POC5: variants seen among roughly 807,000 people sequenced by gnomAD.
The protein encoded by POC5 is centrosomal protein POC5.
Under a neutral mutation model 62.9 loss-of-function variants are expected in POC5, and 48 were observed. The observed-to-expected ratio is 0.76, with a 90% CI of 0.61 to 0.97. The LOEUF is 0.97. Among genes scored for constraint, POC5 ranks in the 50% least tolerant of loss-of-function variants. The probability of loss-of-function intolerance (pLI) is 0.00; values close to 1 mark genes in which losing one functional copy is unlikely to be tolerated. For synonymous variants in POC5, 236 were observed against 228.2 expected, an observed-to-expected ratio of 1.03 and a Z score of -0.31; for missense variants, 696 against 679.5, an observed-to-expected ratio of 1.02 and a Z score of -0.27.
At chr5:75,701,719 A>G (rs1776893045) in intron 5 of POC5, among the ~76,000 whole-genome samples, 1 of 137,198 alleles carries the variant, frequency 7.3e-6, no homozygotes, top group Non-Finnish European at 1.6e-5. Flanking sequence ...TTAAAGTATA[A>G]TAATAATAAA....
At chr5:75,692,905 T>A (rs1048952988) in intron 6 of POC5, among the ~76,000 whole-genome samples, 4 of 151,752 alleles carry the variant, frequency 2.6e-5, no homozygotes, top group Admixed American at 2.6e-4. Context: ...TGGTCCCTAC[T>A]ACTATCTTGG....
In POC5 at chr5:75,685,423, A is replaced by G. The variant is rs754440396; in HGVS notation, c.1191T>C (p.His397=). 1.9e-6 allele frequency: 3 copies of G among 1,613,800 alleles called. No homozygotes were observed. Among genetic ancestry groups the G allele is most frequent in the Non-Finnish European group, 2.5e-6 (3 of 1,179,740 alleles). The part of the protein sequence containing the change: ...EYGPGVQGKE[H]SAHLDPSAPP... ...GAGCTGAAGGATCCAAATGAGCAGA[A>G]TGTTCTTTTCCTTGAACACCAGGAC... The change falls in exon 10 of 12, where the codon CAT becomes CAC. Residue 397 remains histidine (H), a synonymous_variant. Coordinates refer to ENST00000428202, the MANE Select transcript of POC5 (RefSeq NM_001099271.2).
chr5:75,707,680 C>A, intron 3 of POC5, 57 bp downstream of exon 3: 1 of 1,319,264 alleles, frequency 7.6e-7, no homozygotes, highest in Non-Finnish European at 1.1e-6. Flanking sequence ...CTGTCAGTAT[C>A]ATTAATAAAC....
At chr5:75,695,842 A>T (rs1364782674) in intron 5 of POC5, among the ~76,000 whole-genome samples, 1 of 152,136 alleles carries the variant, frequency 6.6e-6, no homozygotes, top group African/African-American at 2.4e-5. Flanking sequence ...TGGGCGCAGG[A>T]CAGTGGGTGC....
intron 10 of POC5, among the ~76,000 whole-genome samples, chr5:75,683,530 G>T (rs1160215724): frequency 6.6e-6 from 1 of 152,046 alleles, no homozygotes; most frequent in African/African-American, 2.4e-5. Context: ...GCCGCGCATG[G>T]CTTTTTTTAA....
At chr5:75,712,788 G>GT in intron 2 of POC5, 66 bp downstream of exon 2, 1 of 1,211,484 alleles carries the variant, frequency 8.3e-7, no homozygotes, top group Non-Finnish European at 1.2e-6. Flanking sequence ...AAAAATCCTA[G>GT]TTTTCCCTTA....
At position 75,674,517 on chromosome 5, in the gene POC5, GTAC is replaced by G; in HGVS notation, c.1643_1645del (p.Ser548del). ...GGTTCCAAGTGATCTGGAAGCTGAG[GTAC>G]TACTTTCAGGATGAATGGTCCGGGG... On this transcript the variant is annotated inframe_deletion, in exon 12 of 12. Transcript: ENST00000428202. 1 of 1,613,960 alleles carries G rather than the reference GTAC, an allele frequency of 6.2e-7. No individual in the cohort carries two copies. The highest frequency in any genetic ancestry group is 1.7e-5 in the Admixed American group (1 of 60,028).
chr5:75,698,175 C>G (rs1776696506), intron 5 of POC5, among the ~76,000 whole-genome samples: 1 of 137,814 alleles, frequency 7.3e-6, no homozygotes, highest in African/African-American at 2.6e-5. Context: ...AGAAAGTCAA[C>G]AAGGATACCC....
At chr5:75,686,631 T>A (rs984971770) in intron 9 of POC5, among the ~76,000 whole-genome samples, 6 of 152,204 alleles carry the variant, frequency 3.9e-5, no homozygotes, top group Non-Finnish European at 7.3e-5. Context: ...TGTCTATCTT[T>A]AGATGGTGGC....
At chr5:75,702,524 A>G in intron 5 of POC5, 81 bp downstream of exon 5, 1 of 1,371,946 alleles carries the variant, frequency 7.3e-7, no homozygotes, top group East Asian at 2.5e-5. Flanking sequence ...TTTAACTCAA[A>G]AAAACAAAAC....
rs185955431 is a variant in POC5, at chr5:75,695,129, A to T, written c.514-298T>A. ...TTCACTATGTTCCTTTGTTTATTCAAGGATTAAATGTCCATATGAAGATGG... is the reference window on the plus strand; with the variant it reads ...TTCACTATGTTCCTTTGTTTATTCATGGATTAAATGTCCATATGAAGATGG... On this transcript the variant is annotated intron_variant, in intron 5 of 11. Coordinates refer to ENST00000428202, the MANE Select transcript of POC5 (RefSeq NM_001099271.2). Among the ~76,000 whole-genome samples the T allele has an allele frequency of 5.6e-4, 86 of 152,346 alleles. 1 individual carries two copies. The highest frequency in any genetic ancestry group is 2.7e-3 in the East Asian group (14 of 5,188).
At chr5:75,694,061 G>C (rs1776455335) in intron 6 of POC5, among the ~76,000 whole-genome samples, 1 of 152,150 alleles carries the variant, frequency 6.6e-6, no homozygotes, top group Non-Finnish European at 1.5e-5. Flanking sequence ...TGCAGTCCCT[G>C]GCAGGGGCTG....
chr5:75,708,002 T>C, intron 2 of POC5, 127 bp from the exon 3 acceptor site: 1 of 850,774 alleles, frequency 1.2e-6, no homozygotes. Flanking sequence ...TACAAAGTTT[T>C]ACCACTTATT....
intron 2 of POC5, among the ~76,000 whole-genome samples, chr5:75,708,539 G>C (rs1225560321): frequency 6.6e-6 from 1 of 152,022 alleles, no homozygotes; most frequent in Non-Finnish European, 1.5e-5. Flanking sequence ...GAAGCAAACT[G>C]GATACTTAAG....
At chr5:75,706,260 A>T (rs1367031229) in intron 3 of POC5, among the ~76,000 whole-genome samples, 2 of 152,218 alleles carry the variant, frequency 1.3e-5, no homozygotes, top group Non-Finnish European at 2.9e-5. Flanking sequence ...CTCAAGAATG[A>T]CTGTTAGAGG....
chr5:75,702,628 C>G lies in POC5; in HGVS notation c.490G>C (p.Asp164His), dbSNP rs753391545. Residue 164 changes from aspartate to histidine, a missense_variant, in exon 5 of 12, where the codon GAT becomes CAT. Asp to His is a moderately conservative substitution (Grantham distance 81, BLOSUM62 -1). Transcript: ENST00000428202. Reference protein sequence around the residue: ...ENLQKMENVLDLWSSGLKTNI... With the variant: ...ENLQKMENVLHLWSSGLKTNI... ...ACCTTAAGACCTGAACTCCAAAGAT[C>G]AAGCACATTTTCCATCTTCTGAAGG... 9 of 1,613,174 alleles carry G rather than the reference C, an allele frequency of 5.6e-6. No homozygotes were observed. Among genetic ancestry groups the G allele is most frequent in the African/African-American group, 4.0e-5 (3 of 74,926 alleles).
At chr5:75,702,583 T>C (rs762734911) in intron 5 of POC5, 22 bp downstream of exon 5, 20 of 1,598,998 alleles carry the variant, frequency 1.3e-5, no homozygotes, top group Admixed American at 1.0e-4. Context: ...ACAACTGTAA[T>C]TGAAGAACTG....
chr5:75,690,266 A>AT, intron 8 of POC5, 117 bp downstream of exon 8: 6 of 962,646 alleles, frequency 6.2e-6, no homozygotes, highest in Non-Finnish European at 7.5e-6. Flanking sequence ...AAACGTTTTC[A>AT]TTTTTTTGTC....
chr5:75,713,072 T>A lies in POC5; in HGVS notation c.-14-121A>T, dbSNP rs180846162. On this transcript the variant is annotated intron_variant, in intron 1 of 11. Transcript: ENST00000428202. Reference sequence around the variant, plus strand: ...ATCTTCCTGTGATATGCTAAAATCATTCATTCAACATATTGAGTACCTACA... The same window carrying A: ...ATCTTCCTGTGATATGCTAAAATCAATCATTCAACATATTGAGTACCTACA... 98 of 710,732 alleles carry A rather than the reference T, an allele frequency of 1.4e-4. 1 individual carries two copies. The highest frequency in any genetic ancestry group is 3.2e-5 in the Non-Finnish European group (14 of 435,784). The allele number at this position is 710,732 out of a possible 1,614,324, so 44.0% of individuals were successfully genotyped here.
Sources: allele counts gnomAD v4.1 joint callset (sites outside exome capture counted in the v4.1 genomes callset), GRCh38; gene constraint gnomAD v4.1.1; transcripts MANE v1.5; gene names NCBI Gene and HGNC (gene_info 2026-07-23, HGNC 2026-07-21).